Variants in ITGAE observed in about 807,000 individuals in gnomAD.
ITGAE encodes the protein integrin alpha-E.
In ITGAE, 99 loss-of-function variants were observed where a neutral mutation model predicts 136.5. The observed-to-expected ratio is 0.73, with a 90% CI of 0.62 to 0.86. The LOEUF (loss-of-function observed/expected upper bound fraction) is 0.86. Ranked by LOEUF, ITGAE falls within the 40% of genes least tolerant of loss-of-function variation. The pLI, the probability that ITGAE is intolerant of heterozygous loss-of-function variation, is 0.00. For missense variants in ITGAE, 1,447 were observed against 1,515.3 expected, an observed-to-expected ratio of 0.95 and a Z score of 0.75; for synonymous variants, 613 against 591.8, an observed-to-expected ratio of 1.04 and a Z score of -0.52.
Position 3,734,962 on chromosome 17 carries a change from C to A in ITGAE, c.2523-13G>T. On this transcript the variant is annotated splice_polypyrimidine_tract_variant and intron_variant, in intron 20 of 30. Coordinates refer to ENST00000263087, the MANE Select transcript of ITGAE (RefSeq NM_002208.5). ...CACCAACTCCTGCCTGCACAGGGTA[C>A]AGATAAAAATGTTACAGTTTATTTC... The A allele has an allele frequency of 6.2e-7, 1 of 1,613,922 alleles. No homozygotes were observed. Among genetic ancestry groups the A allele is most frequent in the Non-Finnish European group, 8.5e-7 (1 of 1,179,884 alleles).
At chr17:3,727,811 C>T in intron 26 of ITGAE, 108 bp downstream of exon 26, 1 of 743,570 alleles carries the variant, frequency 1.3e-6, no homozygotes, top group South Asian at 1.6e-5. Flanking sequence ...AATCTTTTCC[C>T]ATGGTTAACT....
At chr17:3,729,349 A>G in intron 24 of ITGAE, 129 bp downstream of exon 24, 1 of 728,476 alleles carries the variant, frequency 1.4e-6, no homozygotes, top group Non-Finnish European at 2.6e-6. Flanking sequence ...CCTGGGTTCT[A>G]AGCAGGCTCC....
chr17:3,791,154 CAA>C (rs61179988), intron 1 of ITGAE, among the ~76,000 whole-genome samples: 387 of 96,224 alleles, frequency 4.0e-3, no homozygotes, highest in South Asian at 9.7e-3. Flanking sequence ...GACTCTGTCT[CAA>C]AAAAAAAAAA....
intron 26 of ITGAE, 63 bp from the exon 27 acceptor site, chr17:3,723,807 C>T: frequency 1.3e-6 from 2 of 1,580,356 alleles, no homozygotes; most frequent in Non-Finnish European, 1.7e-6. Context: ...TCCGTCCCGT[C>T]CCGGCCCCGG....
Position 3,784,214 on chromosome 17 carries a change from T to G in ITGAE, c.35-6554A>C, listed in dbSNP as rs768145151. On this transcript the variant is annotated intron_variant, in intron 1 of 30. Transcript: ENST00000263087. ...GGCGGAGCTTGCAGTGAGCCGAGAT[T>G]GCGCCACTGCACTCCCGCCTGGGCA... The G allele has an allele frequency of 1.2e-4, 29 of 244,644 alleles. No individual in the cohort carries two copies. In the Admixed American group the frequency reaches 1.2e-3, roughly 10 times the overall value. The allele number at this position is 244,644 out of a possible 1,614,324, so 15.2% of individuals were successfully genotyped here. A position where few individuals can be genotyped will look rare whatever the true frequency, so the allele number is the denominator to read the frequency against.
At chr17:3,779,000 T>TA (rs2052604787) in intron 1 of ITGAE, among the ~76,000 whole-genome samples, 1 of 151,938 alleles carries the variant, frequency 6.6e-6, no homozygotes, top group Non-Finnish European at 1.5e-5. Context: ...ATAAAAATCA[T>TA]ATTGTATAAC....
chr17:3,749,401 C>A (rs1041109194), intron 16 of ITGAE, among the ~76,000 whole-genome samples: 7 of 152,040 alleles, frequency 4.6e-5, no homozygotes, highest in African/African-American at 1.7e-4. Flanking sequence ...TATAGGCGCC[C>A]GCCACCATGC....
intron 1 of ITGAE, among the ~76,000 whole-genome samples, chr17:3,787,780 C>T (rs1046753614): frequency 3.3e-5 from 5 of 151,650 alleles, no homozygotes; most frequent in South Asian, 4.2e-4. Context: ...CTCCACCTCT[C>T]GAGTTCAAGT....
In ITGAE at chr17:3,726,276, A is replaced by G. The variant is rs761100061; in HGVS notation, c.3084+1643T>C. On this transcript the variant is annotated intron_variant, in intron 26 of 30. Coordinates refer to ENST00000263087, the MANE Select transcript of ITGAE (RefSeq NM_002208.5). ...AAAAATCCAGGAGTTCCACAGGACAATGCTGAACTTCAGCTCTGCCACTGA... is the reference window on the plus strand; with the variant it reads ...AAAAATCCAGGAGTTCCACAGGACAGTGCTGAACTTCAGCTCTGCCACTGA... 74 of 1,614,064 alleles carry G rather than the reference A, an allele frequency of 4.6e-5. 1 individual carries two copies. Among genetic ancestry groups the G allele is most frequent in the Admixed American group, 1.7e-4 (10 of 60,010 alleles).
chr17:3,784,867 C>T (rs952854474), intron 1 of ITGAE, among the ~76,000 whole-genome samples: 6 of 152,196 alleles, frequency 3.9e-5, no homozygotes. Flanking sequence ...CACAGTGGCT[C>T]GTGCCTGTCA....
At position 3,763,973 on chromosome 17, in the gene ITGAE, G is replaced by T; in HGVS notation, c.156-13C>A. On this transcript the variant is annotated splice_polypyrimidine_tract_variant and intron_variant, in intron 2 of 30. Transcript: ENST00000263087. ...GGTGACCAGGAGCCTGAGTGGGAGG[G>T]GAGGTTGCAAAGCTGAGCTGGCTGA... 1.3e-6 allele frequency: 2 copies of T among 1,598,472 alleles called. No individual in the cohort carries two copies. The highest frequency in any genetic ancestry group is 1.7e-6 in the Non-Finnish European group (2 of 1,167,508).
chr17:3,777,572 A>C lies in ITGAE; in HGVS notation c.123T>G (p.Leu41=), dbSNP rs745716904. ...KGGAPFVLSS[L]LHQDPSTNQT... is the part of the protein sequence containing the mutation. ...GGTTGGTGCTGGGGTCTTGGTGCAG[A>C]AGGGAGCTGAGCACGAAAGGGGCAC... Residue 41 remains leucine (L), a synonymous_variant, in exon 2 of 31, where the codon CTT becomes CTG. Transcript: ENST00000263087. The C allele has an allele frequency of 1.2e-6, 2 of 1,613,638 alleles. No homozygotes were observed. Among genetic ancestry groups the C allele is most frequent in the Non-Finnish European group, 1.7e-6 (2 of 1,179,822 alleles).
chr17:3,748,928 C>A (rs1442151611), intron 16 of ITGAE, among the ~76,000 whole-genome samples: 1 of 152,142 alleles, frequency 6.6e-6, no homozygotes, highest in Non-Finnish European at 1.5e-5. Flanking sequence ...GGATTTTACT[C>A]TAAATAGGAG....
chr17:3,715,595 G>GT (rs1484301931), intron 30 of ITGAE, among the ~76,000 whole-genome samples: 1 of 152,198 alleles, frequency 6.6e-6, no homozygotes, highest in Non-Finnish European at 1.5e-5. Flanking sequence ...GCTTATGCCT[G>GT]TAACCCCACC....
chr17:3,735,912 G>A (rs1410469648), intron 20 of ITGAE, among the ~76,000 whole-genome samples: 2 of 152,154 alleles, frequency 1.3e-5, no homozygotes, highest in Non-Finnish European at 2.9e-5. Context: ...GGGAGGCCGA[G>A]GCGGGTAGAT....
chr17:3,763,797 G>T, intron 3 of ITGAE, 72 bp downstream of exon 3: 1 of 1,217,792 alleles, frequency 8.2e-7, no homozygotes, highest in Non-Finnish European at 1.2e-6. Flanking sequence ...GGAATGGTTT[G>T]AGTTTAGATG....
At chr17:3,724,650 G>A (rs767322245) in intron 26 of ITGAE, 2 of 1,614,210 alleles carry the variant, frequency 1.2e-6, no homozygotes, top group Non-Finnish European at 8.5e-7. Flanking sequence ...CCAAACCCGC[G>A]CCAGCCTCAG....
At position 3,741,520 on chromosome 17, in the gene ITGAE, G is replaced by A. The variant is rs184883771; in HGVS notation, c.2449-1642C>T. 5.3e-4 allele frequency among the ~76,000 whole-genome samples: 81 copies of A among 152,072 alleles called. 1 individual carries two copies. The South Asian group carries it at 0.013, about 25-fold the overall frequency. On this transcript the variant is annotated intron_variant, in intron 19 of 30. Coordinates refer to ENST00000263087, the MANE Select transcript of ITGAE (RefSeq NM_002208.5). ...GTAACACCGATGTGCCTAATACCAC[G>A]TGGTTTTTTCCTCACCCATTTTATA...
intron 2 of ITGAE, among the ~76,000 whole-genome samples, chr17:3,777,015 C>T (rs151283156): frequency 0.026 from 3,862 of 147,384 alleles, 69 homozygotes; most frequent in Non-Finnish European, 0.042. Context: ...GGCTGGAGTG[C>T]AGTGGCGCCA....
Sources: allele counts gnomAD v4.1 joint callset (sites outside exome capture counted in the v4.1 genomes callset), GRCh38; gene constraint gnomAD v4.1.1; transcripts MANE v1.5; gene names NCBI Gene and HGNC (gene_info 2026-07-23, HGNC 2026-07-21).